Variants in RUNX1 observed in about 807,000 individuals in gnomAD.
The protein encoded by RUNX1 is RUNX family transcription factor 1.
A neutral mutation model predicts 42.8 loss-of-function variants in RUNX1; 19 were observed. The observed-to-expected ratio is 0.44, with a 90% CI of 0.31 to 0.65. RUNX1 has a LOEUF of 0.65. RUNX1 is among the 30% of genes least tolerant of loss of function. The pLI, the probability that RUNX1 is intolerant of heterozygous loss-of-function variation, is 0.07. For synonymous variants in RUNX1, 271 were observed against 289.4 expected (o/e 0.94, Z 0.64); for missense variants, 528 against 672.0 (o/e 0.79, Z 2.37).
At chr21:34,912,360 G>C (rs1301847052) in intron 2 of RUNX1, among the ~76,000 whole-genome samples, 1 of 151,876 alleles carries the variant, frequency 6.6e-6, no homozygotes, top group Non-Finnish European at 1.5e-5. Context: ...CGTCCTCTCT[G>C]TTTTGCGATA....
At chr21:34,945,362 C>T (rs986136719) in intron 2 of RUNX1, among the ~76,000 whole-genome samples, 18 of 152,186 alleles carry the variant, frequency 1.2e-4, no homozygotes, top group African/African-American at 3.6e-4. Flanking sequence ...TGAGTGGAAC[C>T]CACCATCCTT....
At chr21:34,877,671 G>A (rs1456663892) in intron 5 of RUNX1, among the ~76,000 whole-genome samples, 1 of 152,234 alleles carries the variant, frequency 6.6e-6, no homozygotes, top group African/African-American at 2.4e-5. Flanking sequence ...CGGACAGGCA[G>A]GTTTTCCCAG....
intron 7 of RUNX1, among the ~76,000 whole-genome samples, chr21:34,820,401 G>A (rs2056891395): frequency 6.6e-6 from 1 of 152,144 alleles, no homozygotes; most frequent in African/African-American, 2.4e-5. Flanking sequence ...TGTAATCTCA[G>A]CACTTTGGGA....
At chr21:35,036,716 A>C (rs937888073) in intron 2 of RUNX1, among the ~76,000 whole-genome samples, 45 of 152,224 alleles carry the variant, frequency 3.0e-4, no homozygotes, top group African/African-American at 1.1e-3. Flanking sequence ...TGTGCATCTC[A>C]ACTCTTGTTA....
At chr21:34,866,181 C>T (rs569248793) in intron 5 of RUNX1, among the ~76,000 whole-genome samples, 21 of 152,298 alleles carry the variant, frequency 1.4e-4, no homozygotes, top group African/African-American at 5.1e-4. Context: ...ACAAAGGAGC[C>T]GTCTGCCCTG....
At chr21:34,844,464 C>T (rs117648824) in intron 6 of RUNX1, among the ~76,000 whole-genome samples, 18 of 152,294 alleles carry the variant, frequency 1.2e-4, no homozygotes, top group South Asian at 4.1e-4. Flanking sequence ...GTTCCCCTCC[C>T]GCAGCAGCAG....
intron 2 of RUNX1, among the ~76,000 whole-genome samples, chr21:34,923,258 C>T (rs576689391): frequency 6.6e-6 from 1 of 152,326 alleles, no homozygotes; most frequent in East Asian, 1.9e-4. Context: ...TCCCTTTCAT[C>T]TTGTGCAACA....
At chr21:34,802,771 C>T (rs2056626067) in intron 7 of RUNX1, among the ~76,000 whole-genome samples, 2 of 152,012 alleles carry the variant, frequency 1.3e-5, no homozygotes. Flanking sequence ...GGGAAAGCAC[C>T]GAACTCAAAT....
intron 5 of RUNX1, among the ~76,000 whole-genome samples, chr21:34,878,360 A>ATAT (rs1270450688): frequency 2.7e-4 from 36 of 133,416 alleles, no homozygotes; most frequent in African/African-American, 8.8e-4. Flanking sequence ...AAAAAAAAAA[A>ATAT]ATATATATAT....
intron 2 of RUNX1, among the ~76,000 whole-genome samples, chr21:35,003,142 C>T (rs537801498): frequency 1.3e-5 from 2 of 152,330 alleles, no homozygotes; most frequent in South Asian, 4.1e-4. Flanking sequence ...ATGTACTGCT[C>T]CTTGAATCAG....
intron 2 of RUNX1, among the ~76,000 whole-genome samples, chr21:34,952,507 C>T (rs755224097): frequency 4.8e-4 from 73 of 152,060 alleles, no homozygotes; most frequent in Non-Finnish European, 9.6e-4. Context: ...TTTATTCATA[C>T]GTGATAATGT....
intron 7 of RUNX1, among the ~76,000 whole-genome samples, chr21:34,824,386 T>A (rs1436356861): frequency 6.6e-6 from 1 of 152,200 alleles, no homozygotes; most frequent in Non-Finnish European, 1.5e-5. Context: ...CTATTATTAT[T>A]TTGCTTTATT....
chr21:34,820,467 T>C (rs1049618056), intron 7 of RUNX1, among the ~76,000 whole-genome samples: 4 of 151,934 alleles, frequency 2.6e-5, no homozygotes, highest in Non-Finnish European at 5.9e-5. Context: ...CTGGCCAACA[T>C]GCTGAAACCC....
chr21:34,967,724 C>G (rs1656587971), intron 2 of RUNX1, among the ~76,000 whole-genome samples: 1 of 152,146 alleles, frequency 6.6e-6, no homozygotes, highest in Non-Finnish European at 1.5e-5. Context: ...TGAGCTCTCC[C>G]TAGCAGGGTC....
chr21:34,836,258 G>A (rs1198806888), intron 6 of RUNX1, among the ~76,000 whole-genome samples: 1 of 152,212 alleles, frequency 6.6e-6, no homozygotes, highest in African/African-American at 2.4e-5. Context: ...GCATGCATGT[G>A]GGAGGCCTGT....
intron 2 of RUNX1, among the ~76,000 whole-genome samples, chr21:34,989,787 C>T (rs995980387): frequency 1.3e-5 from 2 of 152,208 alleles, no homozygotes; most frequent in African/African-American, 2.4e-5. Flanking sequence ...AGCATTGGCA[C>T]GAAGGGTAAA....
chr21:34,968,809 T>C (rs536301547), intron 2 of RUNX1, among the ~76,000 whole-genome samples: 1 of 152,274 alleles, frequency 6.6e-6, no homozygotes, highest in African/African-American at 2.4e-5. Flanking sequence ...GAAAGAATGA[T>C]GCTAACAGAA....
chr21:34,995,864 T>C (rs1169771141), intron 2 of RUNX1, among the ~76,000 whole-genome samples: 2 of 152,200 alleles, frequency 1.3e-5, no homozygotes, highest in Admixed American at 1.3e-4. Context: ...TTTCTCTGTC[T>C]CTCCTCTGCC....
chr21:34,841,766 ATCT>A (rs1555891243), intron 6 of RUNX1, among the ~76,000 whole-genome samples: 1 of 152,076 alleles, frequency 6.6e-6, no homozygotes, highest in Non-Finnish European at 1.5e-5. Context: ...CTGAAATGTC[ATCT>A]TCTCCCTGAG....
Sources: allele counts gnomAD v4.1 joint callset (sites outside exome capture counted in the v4.1 genomes callset), GRCh38; gene constraint gnomAD v4.1.1; transcripts MANE v1.5; gene names NCBI Gene and HGNC (gene_info 2026-07-23, HGNC 2026-07-21).